Variants in XKR9 observed in about 807,000 individuals in gnomAD.
The protein encoded by XKR9 is XK-related protein 9.
In XKR9, 32 loss-of-function variants were observed where a neutral mutation model predicts 32.0. The ratio of observed to expected loss-of-function variants is 1.00; its 90% CI spans 0.76 to 1.34. The LOEUF is 1.34. Among genes scored for constraint, XKR9 ranks in the 40% most tolerant of loss-of-function variants. XKR9 has a pLI of 0.00. For missense variants in XKR9, 546 were observed against 429.7 expected (o/e 1.27, Z -2.39); for synonymous variants, 168 against 143.4 (o/e 1.17, Z -1.22).
intron 3 of XKR9, among the ~76,000 whole-genome samples, chr8:70,686,859 A>G (rs1230844366): frequency 6.6e-6 from 1 of 152,004 alleles, no homozygotes; most frequent in Non-Finnish European, 1.5e-5. Context: ...ATATTTATGG[A>G]GTACATGTAA....
At chr8:70,819,844 G>T in the XKR9 span, among the ~76,000 whole-genome samples, 1 of 152,164 alleles carries the variant, frequency 6.6e-6, no homozygotes, top group East Asian at 1.9e-4. Context: ...GAGGCTCTAT[G>T]TTGAGATTTG....
At chr8:70,769,936 T>A (rs767728832) in intron 2 of XKR9, among the ~76,000 whole-genome samples, 2 of 152,122 alleles carry the variant, frequency 1.3e-5, no homozygotes. Flanking sequence ...GAAGCCTACT[T>A]CTGTCAATTC....
At chr8:70,843,812 G>C in the XKR9 span, among the ~76,000 whole-genome samples, 2 of 152,074 alleles carry the variant, frequency 1.3e-5, no homozygotes, top group African/African-American at 4.8e-5. Flanking sequence ...ATTCATCCTG[G>C]GTCCCAAATA....
chr8:70,980,368 G>T, the XKR9 span, among the ~76,000 whole-genome samples: 2 of 152,296 alleles, frequency 1.3e-5, 1 homozygote, highest in East Asian at 3.9e-4. Context: ...CTCCAGACTG[G>T]AGCTGTTCCT....
the XKR9 span, among the ~76,000 whole-genome samples, chr8:71,005,616 A>G: frequency 6.6e-6 from 1 of 152,166 alleles, no homozygotes; most frequent in Non-Finnish European, 1.5e-5. Flanking sequence ...CTTCTTATCC[A>G]TGTCTAGAAG....
the XKR9 span, among the ~76,000 whole-genome samples, chr8:70,996,607 A>T: frequency 6.6e-6 from 1 of 152,214 alleles, no homozygotes; most frequent in African/African-American, 2.4e-5. Context: ...TGTCTTCCTC[A>T]TCAGAAATAA....
chr8:70,840,913 C>T, the XKR9 span, among the ~76,000 whole-genome samples: 1 of 152,086 alleles, frequency 6.6e-6, no homozygotes, highest in Non-Finnish European at 1.5e-5. Flanking sequence ...TTATATCAAA[C>T]TGAAAGATTA....
At chr8:70,870,075 A>G in the XKR9 span, among the ~76,000 whole-genome samples, 1 of 152,212 alleles carries the variant, frequency 6.6e-6, no homozygotes, top group Non-Finnish European at 1.5e-5. Flanking sequence ...TCTGTGACTC[A>G]GGCATAGTAA....
chr8:70,828,730 G>GAAAAAAAAAAAAAAAAA, the XKR9 span, among the ~76,000 whole-genome samples: 1 of 119,526 alleles, frequency 8.4e-6, no homozygotes, highest in Non-Finnish European at 1.7e-5. Flanking sequence ...CAAAAAAAAA[G>GAAAAAAAAAAAAAAAAA]AAAAAAAAAA....
At chr8:70,790,006 A>T (rs951322806) in intron 3 of XKR9, 2 of 149,946 alleles carry the variant, frequency 1.3e-5, no homozygotes, top group Non-Finnish European at 3.0e-5. Flanking sequence ...GAACAGCTAT[A>T]CTCACTGTGC....
At chr8:71,014,346 G>A in the XKR9 span, among the ~76,000 whole-genome samples, 32 of 152,174 alleles carry the variant, frequency 2.1e-4, no homozygotes, top group African/African-American at 7.7e-4. Flanking sequence ...TTCTCTCACA[G>A]TTCTGGAGGC....
At chr8:70,920,261 A>G in the XKR9 span, among the ~76,000 whole-genome samples, 1 of 152,212 alleles carries the variant, frequency 6.6e-6, no homozygotes, top group East Asian at 1.9e-4. Context: ...ACAGCATCTA[A>G]GAGTGGAATC....
At chr8:70,703,930 C>T (rs1477424933) in intron 3 of XKR9, among the ~76,000 whole-genome samples, 1 of 152,116 alleles carries the variant, frequency 6.6e-6, no homozygotes, top group Non-Finnish European at 1.5e-5. Context: ...CGCCTGTAAT[C>T]CCAGCACTTT....
At chr8:70,811,356 C>T in the XKR9 span, among the ~76,000 whole-genome samples, 1 of 152,172 alleles carries the variant, frequency 6.6e-6, no homozygotes, top group African/African-American at 2.4e-5. Context: ...CTACAATTGA[C>T]ACCCTAACAT....
At chr8:70,687,312 C>CTCTTTCTTTCTCTCTTTCTTTCTT (rs1554544430) in intron 3 of XKR9, among the ~76,000 whole-genome samples, 1 of 138,252 alleles carries the variant, frequency 7.2e-6, no homozygotes, top group East Asian at 2.2e-4. Flanking sequence ...TCTCTCCTCC[C>CTCTTTCTTTCTCTCTTTCTTTCTT]TCTTTCTTTC....
At chr8:70,863,869 T>C in the XKR9 span, among the ~76,000 whole-genome samples, 1 of 152,218 alleles carries the variant, frequency 6.6e-6, no homozygotes, top group Non-Finnish European at 1.5e-5. Context: ...GTAGCTTGGC[T>C]GAAAGGTAAA....
intron 4 of XKR9, among the ~76,000 whole-genome samples, chr8:70,725,291 A>T (rs763868539): frequency 6.6e-6 from 1 of 152,188 alleles, no homozygotes; most frequent in Non-Finnish European, 1.5e-5. Flanking sequence ...TTTACCAGAA[A>T]TTGTGATGTT....
the XKR9 span, among the ~76,000 whole-genome samples, chr8:70,924,664 G>C: frequency 6.6e-6 from 1 of 152,142 alleles, no homozygotes; most frequent in African/African-American, 2.4e-5. Context: ...TTTTCAGACT[G>C]TGGAAAAGTT....
At chr8:70,989,910 A>G in the XKR9 span, among the ~76,000 whole-genome samples, 1 of 152,106 alleles carries the variant, frequency 6.6e-6, no homozygotes, top group Admixed American at 6.5e-5. Context: ...TACTGTAGAG[A>G]TTTCATATCA....
Sources: allele counts gnomAD v4.1 joint callset (sites outside exome capture counted in the v4.1 genomes callset), GRCh38; gene constraint gnomAD v4.1.1; transcripts MANE v1.5; gene names NCBI Gene and HGNC (gene_info 2026-07-23, HGNC 2026-07-21).